The following RABGAP1 variants were observed in gnomAD, a reference collection of about 807,000 sequenced individuals.
The protein encoded by RABGAP1 is RAB GTPase activating protein 1.
Under a neutral mutation model 137.6 loss-of-function variants are expected in RABGAP1, and 23 were observed. The ratio of observed to expected loss-of-function variants is 0.17; its 90% CI spans 0.12 to 0.24. RABGAP1 has a LOEUF of 0.24. Among genes scored for constraint, RABGAP1 ranks in the 10% least tolerant of loss-of-function variants. RABGAP1 has a pLI of 1.00. For missense variants in RABGAP1, 906 were observed against 1,275.8 expected (o/e 0.71, Z 4.42); for synonymous variants, 451 against 450.7 (o/e 1.00, Z -0.01).
chr9:122,998,671 G>C lies in RABGAP1; in HGVS notation c.1279G>C (p.Glu427Gln). 6.2e-7 allele frequency: 1 copy of C among 1,611,744 alleles called. No individual in the cohort carries two copies. The highest frequency in any genetic ancestry group is 1.1e-5 in the South Asian group (1 of 91,012). ...ACAGGAGCCTGTTCGATTTCTCCTG[G>C]AGACAAAAGTCCGCGTTTGCTCACC... ...EVQEPVRFLL[E>Q]TKVRVCSPNE... is the part of the protein sequence containing the mutation. The change falls in exon 10 of 26, where the codon GAG becomes CAG. Residue 427 changes from glutamate to glutamine, a missense_variant. Physicochemically the swap from Glu to Gln is conservative, Grantham distance 29 (BLOSUM62 2). Around this residue, in one of 9 missense-constraint regions of RABGAP1, gnomAD observed 212 missense variants for 289.4 expected, o/e 0.73. Coordinates refer to ENST00000373647, the MANE Select transcript of RABGAP1 (RefSeq NM_012197.4).
chr9:123,088,302 G>A (rs10985887), intron 19 of RABGAP1, among the ~76,000 whole-genome samples: 3,455 of 152,000 alleles, frequency 0.023, 143 homozygotes, highest in East Asian at 0.19. Flanking sequence ...CTTCTGCCTT[G>A]GCCTCCCAAA....
chr9:123,026,331 A>G (rs980355016), intron 13 of RABGAP1, among the ~76,000 whole-genome samples: 9 of 152,028 alleles, frequency 5.9e-5, no homozygotes, highest in African/African-American at 2.2e-4. Context: ...ATAATAATAA[A>G]TTGTGTTTAA....
chr9:123,083,214 T>TTG (rs2034767218), intron 19 of RABGAP1, among the ~76,000 whole-genome samples: 1 of 152,214 alleles, frequency 6.6e-6, no homozygotes, highest in African/African-American at 2.4e-5. Flanking sequence ...AAATGATGGA[T>TTG]TGAATGAATG....
chr9:123,033,016 T>C (rs2032389904), intron 13 of RABGAP1, among the ~76,000 whole-genome samples: 1 of 152,186 alleles, frequency 6.6e-6, no homozygotes, highest in South Asian at 2.1e-4. Context: ...TAGTGTCAAA[T>C]ATGGGAACAG....
chr9:123,077,164 G>GTTTTT (rs57474987), intron 19 of RABGAP1, among the ~76,000 whole-genome samples: 1 of 124,436 alleles, frequency 8.0e-6, no homozygotes, highest in African/African-American at 4.5e-5. Context: ...TTTTGTTTTT[G>GTTTTT]TTTTTTTTTT....
chr9:122,996,230 A>T, intron 7 of RABGAP1, 79 bp downstream of exon 7: 1 of 1,484,738 alleles, frequency 6.7e-7, no homozygotes, highest in Non-Finnish European at 8.9e-7. Flanking sequence ...ACACTGTATT[A>T]AAAAATGTAT....
At chr9:123,064,052 T>A (rs1221574020) in intron 13 of RABGAP1, among the ~76,000 whole-genome samples, 1 of 152,166 alleles carries the variant, frequency 6.6e-6, no homozygotes, top group African/African-American at 2.4e-5. Flanking sequence ...TCACTCTCAC[T>A]CTCGCTCACT....
At chr9:122,986,995 C>T (rs1052439437) in intron 4 of RABGAP1, among the ~76,000 whole-genome samples, 2 of 151,868 alleles carry the variant, frequency 1.3e-5, no homozygotes, top group South Asian at 2.1e-4. Context: ...AAATTAGCCA[C>T]GCATGGTCAT....
intron 3 of RABGAP1, among the ~76,000 whole-genome samples, chr9:122,985,729 A>G (rs866766081): frequency 1.3e-5 from 2 of 152,288 alleles, no homozygotes; most frequent in Middle Eastern, 3.4e-3. Flanking sequence ...TAGAAGAGGC[A>G]GAAAGGTGAA....
At position 123,056,547 on chromosome 9, in the gene RABGAP1, A is replaced by G. The variant is rs149324975; in HGVS notation, c.1795-8801A>G. On this transcript the variant is annotated intron_variant, in intron 13 of 25. Transcript: ENST00000373647. ...TTGCAGAGTGGGATTTGGCAGGGTC[A>G]TGGGACAATAGTGGAGGGAAGGTCA... Among the ~76,000 whole-genome samples the G allele has an allele frequency of 3.8e-3, 544 of 144,880 alleles. 14 individuals carry two copies. The highest frequency in any genetic ancestry group is 3.6e-3 in the Non-Finnish European group (237 of 66,170).
chr9:122,957,700 A>G (rs1206817842), intron 2 of RABGAP1, among the ~76,000 whole-genome samples: 1 of 152,222 alleles, frequency 6.6e-6, no homozygotes, highest in East Asian at 1.9e-4. Context: ...ATAAAAACAG[A>G]TTATCTGTTA....
At chr9:122,947,991 G>A (rs1834029220) in intron 1 of RABGAP1, among the ~76,000 whole-genome samples, 2 of 151,926 alleles carry the variant, frequency 1.3e-5, no homozygotes, top group South Asian at 4.1e-4. Context: ...GATAGGCTGT[G>A]TGAAATTCAT....
intron 4 of RABGAP1, among the ~76,000 whole-genome samples, chr9:122,987,570 A>C (rs192011906): frequency 3.3e-4 from 50 of 152,202 alleles, no homozygotes; most frequent in African/African-American, 1.1e-3. Context: ...TTATATCGTA[A>C]ACCTCTTTTC....
intron 13 of RABGAP1, among the ~76,000 whole-genome samples, chr9:123,025,170 C>G (rs186627216): frequency 1.3e-5 from 2 of 152,302 alleles, no homozygotes; most frequent in Admixed American, 1.3e-4. Context: ...TATTTTCCTA[C>G]TCAGTAGAAC....
Position 123,029,045 on chromosome 9 carries a change from CG to C in RABGAP1, c.1794+8587del, listed in dbSNP as rs1229484335. On this transcript the variant is annotated intron_variant, in intron 13 of 25. Transcript: ENST00000373647. ...TAGCATGGAGTAAGAATAATTGCAG[CG>C]AGACCCGTTAATAATTCAGGCAAGA... is the stretch of plus-strand genomic sequence containing the variant. Among the ~76,000 whole-genome samples, 9 of 152,170 alleles carry C rather than the reference CG, an allele frequency of 5.9e-5. No homozygotes were observed. In the East Asian group the frequency reaches 1.7e-3, roughly 29 times the overall value.
intron 13 of RABGAP1, chr9:123,035,569 C>T (rs760563616): frequency 1.9e-6 from 3 of 1,609,042 alleles, no homozygotes; most frequent in Non-Finnish European, 2.5e-6. Flanking sequence ...AGCCAACGAC[C>T]CTTACACAGT....
chr9:122,991,733 G>T (rs1298973033), intron 6 of RABGAP1, among the ~76,000 whole-genome samples: 1 of 151,884 alleles, frequency 6.6e-6, no homozygotes, highest in African/African-American at 2.4e-5. Context: ...CTCCTGAGTA[G>T]CTGGGACCAC....
intron 19 of RABGAP1, among the ~76,000 whole-genome samples, chr9:123,083,382 A>G (rs765702730): frequency 6.6e-6 from 1 of 152,126 alleles, no homozygotes; most frequent in Non-Finnish European, 1.5e-5. Flanking sequence ...GCTTGTTCCT[A>G]CCTTTTAGAA....
rs1389301249 is a variant in RABGAP1 at position 123,099,445 on chromosome 9, C to T, written c.2818-33C>T. ...ATTTATGCAGATGATTACAATTGCT[C>T]AAGAGATTGTTGTTTTATATTTGTT... is the stretch of plus-strand genomic sequence containing the variant. On this transcript the variant is annotated intron_variant, in intron 23 of 25. Coordinates refer to ENST00000373647, the MANE Select transcript of RABGAP1 (RefSeq NM_012197.4). The T allele has an allele frequency of 1.9e-6, 3 of 1,556,358 alleles. No individual in the cohort carries two copies. The Admixed American group carries it at 5.0e-5, about 26-fold the overall frequency.
Sources: allele counts gnomAD v4.1 joint callset (sites outside exome capture counted in the v4.1 genomes callset), GRCh38; gene constraint gnomAD v4.1.1; regional missense constraint gnomAD v4.1.1; transcripts MANE v1.5; gene names NCBI Gene and HGNC (gene_info 2026-07-23, HGNC 2026-07-21).